The following COL24A1 variants were observed in gnomAD, a reference collection of about 807,000 sequenced individuals.
COL24A1 encodes the protein collagen type XXIV alpha 1 chain.
A neutral mutation model predicts 253.9 loss-of-function variants in COL24A1; 224 were observed. That is an observed-to-expected ratio of 0.88 (90% CI 0.79 to 0.99). The LOEUF is 0.99. Ranked by LOEUF, COL24A1 falls within the 50% of genes least tolerant of loss-of-function variation. COL24A1 has a pLI of 0.00. For synonymous variants in COL24A1, 685 were observed against 673.7 expected, an observed-to-expected ratio of 1.02 and a Z score of -0.26; for missense variants, 2,131 against 2,068.5, an observed-to-expected ratio of 1.03 and a Z score of -0.59.
At position 85,823,739 on chromosome 1, in the gene COL24A1, C is replaced by T. The variant is rs1267789989; in HGVS notation, c.3682-1G>A. ...TTAGTCCTGGTACACCCACATGGCC[C>T]TAGAAATAGAAAAGATTACATTATT... On this transcript the variant is annotated splice_acceptor_variant, in intron 43 of 59. Coordinates refer to ENST00000370571, the MANE Select transcript of COL24A1 (RefSeq NM_152890.7). LOFTEE classifies it high-confidence loss of function. 2 of 1,613,120 alleles carry T rather than the reference C, an allele frequency of 1.2e-6. No individual in the cohort carries two copies. The highest frequency in any genetic ancestry group is 1.7e-6 in the Non-Finnish European group (2 of 1,179,404).
rs772429771 is a variant in COL24A1, at chr1:86,156,425, G to T, written c.-29C>A. The T allele has an allele frequency of 4.4e-6, 7 of 1,604,106 alleles. No individual in the cohort carries two copies. In the Admixed American group the frequency reaches 1.0e-4, roughly 24 times the overall value. ...TATGCATTTGTCCGTGCAGCAAAGC[G>T]CTAACGGAAAACAGAAGCCAACTCT... is the stretch of plus-strand genomic sequence containing the variant. On this transcript the variant is annotated 5_prime_UTR_variant, in exon 1 of 60. Coordinates refer to ENST00000370571, the MANE Select transcript of COL24A1 (RefSeq NM_152890.7).
intron 32 of COL24A1, among the ~76,000 whole-genome samples, chr1:85,885,399 T>TATATA (rs1558527833): frequency 9.1e-6 from 1 of 109,522 alleles, no homozygotes; most frequent in Non-Finnish European, 1.9e-5. Context: ...ATATATATAT[T>TATATA]TTTTTTTTAA....
chr1:85,808,852 A>T (rs956443564), intron 47 of COL24A1, among the ~76,000 whole-genome samples: 9 of 152,176 alleles, frequency 5.9e-5, no homozygotes, highest in Non-Finnish European at 1.0e-4. Context: ...TTATCATTCA[A>T]ATCAGTCTCC....
At chr1:86,070,496 A>C (rs933249204) in intron 7 of COL24A1, among the ~76,000 whole-genome samples, 1 of 152,230 alleles carries the variant, frequency 6.6e-6, no homozygotes, top group African/African-American at 2.4e-5. Flanking sequence ...ATAGATCACC[A>C]AGCAGATTTA....
chr1:86,156,202 A>T (rs1653588054), intron 1 of COL24A1, 139 bp downstream of exon 1: 1 of 657,246 alleles, frequency 1.5e-6, no homozygotes. Context: ...AGGGGAAGAT[A>T]CCGCGGGTAC....
At chr1:86,035,607 G>A (rs1698936688) in intron 12 of COL24A1, among the ~76,000 whole-genome samples, 1 of 152,050 alleles carries the variant, frequency 6.6e-6, no homozygotes. Context: ...AATGAGTACA[G>A]GATTTCTTTT....
At chr1:86,052,881 C>T (rs1294814635) in intron 10 of COL24A1, among the ~76,000 whole-genome samples, 1 of 151,958 alleles carries the variant, frequency 6.6e-6, no homozygotes, top group Non-Finnish European at 1.5e-5. Context: ...AAAGTTGCCA[C>T]CATCCATCTT....
chr1:86,120,229 T>TGG (rs1454400549), intron 3 of COL24A1, among the ~76,000 whole-genome samples: 1 of 152,292 alleles, frequency 6.6e-6, no homozygotes, highest in East Asian at 1.9e-4. Context: ...GACACAGGCA[T>TGG]GGGCAAGGAT....
intron 43 of COL24A1, among the ~76,000 whole-genome samples, chr1:85,834,126 AT>A (rs1271857596): frequency 1.3e-5 from 2 of 151,838 alleles, no homozygotes; most frequent in African/African-American, 4.8e-5. Context: ...TAATAATAAA[AT>A]TTAAAAAAAA....
chr1:85,820,260 A>G (rs1157814695), intron 45 of COL24A1, among the ~76,000 whole-genome samples: 1 of 152,180 alleles, frequency 6.6e-6, no homozygotes, highest in Non-Finnish European at 1.5e-5. Context: ...TGAGAAGTCC[A>G]CATAAAGTAC....
At chr1:86,095,896 A>G (rs1327120298) in intron 5 of COL24A1, among the ~76,000 whole-genome samples, 1 of 152,092 alleles carries the variant, frequency 6.6e-6, no homozygotes, top group Non-Finnish European at 1.5e-5. Flanking sequence ...CTTTTAGTCC[A>G]TTATTGAATC....
At chr1:85,734,528 C>T (rs560023661) in intron 59 of COL24A1, among the ~76,000 whole-genome samples, 33 of 152,038 alleles carry the variant, frequency 2.2e-4, no homozygotes, top group Non-Finnish European at 2.9e-4. Context: ...GTTTTGCATG[C>T]AAAAATCTAA....
At chr1:85,914,524 G>A (rs193273827) in intron 24 of COL24A1, among the ~76,000 whole-genome samples, 1 of 151,880 alleles carries the variant, frequency 6.6e-6, no homozygotes, top group Admixed American at 6.6e-5. Context: ...CTGAATGGCT[G>A]GGATTACAGG....
At chr1:85,871,605 A>C (rs1039014800) in intron 35 of COL24A1, among the ~76,000 whole-genome samples, 2 of 152,242 alleles carry the variant, frequency 1.3e-5, no homozygotes, top group Non-Finnish European at 2.9e-5. Context: ...CCACATGATT[A>C]TATCAACAGA....
intron 47 of COL24A1, among the ~76,000 whole-genome samples, chr1:85,791,169 TTC>T (rs1202459530): frequency 6.6e-6 from 1 of 152,186 alleles, no homozygotes; most frequent in Non-Finnish European, 1.5e-5. Flanking sequence ...TCTTTTTTTC[TTC>T]TCTCCCTACC....
At chr1:85,933,146 G>T (rs1222751551) in intron 24 of COL24A1, among the ~76,000 whole-genome samples, 2 of 149,754 alleles carry the variant, frequency 1.3e-5, no homozygotes, top group African/African-American at 4.9e-5. Context: ...AAGAGAAAAT[G>T]TAAAAAACTT....
intron 18 of COL24A1, 53 bp downstream of exon 18, chr1:86,022,187 C>A: frequency 6.8e-7 from 1 of 1,470,586 alleles, no homozygotes; most frequent in Non-Finnish European, 9.5e-7. Flanking sequence ...GAGACTCATG[C>A]CATGACATGC....
chr1:85,792,380 G>A (rs1670360507), intron 47 of COL24A1, among the ~76,000 whole-genome samples: 1 of 151,626 alleles, frequency 6.6e-6, no homozygotes, highest in African/African-American at 2.4e-5. Context: ...TTTTTAAGAA[G>A]CTTAAAATTA....
chr1:85,979,364 G>T (rs915033230), intron 20 of COL24A1, among the ~76,000 whole-genome samples: 2 of 151,736 alleles, frequency 1.3e-5, no homozygotes, highest in African/African-American at 4.8e-5. Context: ...AAATTAAATT[G>T]AAACAAAAAA....
Sources: allele counts gnomAD v4.1 joint callset (sites outside exome capture counted in the v4.1 genomes callset), GRCh38; gene constraint gnomAD v4.1.1; transcripts MANE v1.5; gene names NCBI Gene and HGNC (gene_info 2026-07-23, HGNC 2026-07-21).